Variants in SNTG2 observed in about 807,000 individuals in gnomAD.
SNTG2 encodes the protein gamma-2-syntrophin.
Under a neutral mutation model 70.9 loss-of-function variants are expected in SNTG2, and 74 were observed. The ratio of observed to expected loss-of-function variants is 1.04; its 90% confidence interval spans 0.86 to 1.27. SNTG2 has a LOEUF of 1.27. Ranked by LOEUF, SNTG2 falls within the 50% of genes most tolerant of loss-of-function variation. SNTG2 has a pLI of 0.00. For synonymous variants in SNTG2, 278 were observed against 273.8 expected (o/e 1.02, Z -0.15); for missense variants, 717 against 690.7 (o/e 1.04, Z -0.43).
chr2:1,039,057 T>G (rs897128463), intron 1 of SNTG2, among the ~76,000 whole-genome samples: 2 of 152,214 alleles, frequency 1.3e-5, no homozygotes, highest in African/African-American at 4.8e-5. Context: ...ACAGACTCAT[T>G]TCTGAAGGTG....
intron 14 of SNTG2, among the ~76,000 whole-genome samples, chr2:1,303,112 G>C (rs1680528615): frequency 6.6e-6 from 1 of 152,142 alleles, no homozygotes; most frequent in African/African-American, 2.4e-5. Context: ...CAAATATATA[G>C]AAGACTTCAA....
At chr2:1,186,204 A>G (rs1209587528) in intron 8 of SNTG2, among the ~76,000 whole-genome samples, 2 of 152,166 alleles carry the variant, frequency 1.3e-5, no homozygotes, top group Admixed American at 1.3e-4. Context: ...TACTGTTTCT[A>G]ATAAGTCCCT....
intron 14 of SNTG2, among the ~76,000 whole-genome samples, chr2:1,281,762 A>G (rs888056207): frequency 2.0e-5 from 3 of 152,106 alleles, no homozygotes; most frequent in Admixed American, 2.0e-4. Context: ...ACAGCACTGG[A>G]AATGGTGATT....
chr2:1,137,956 A>C, intron 6 of SNTG2, 147 bp downstream of exon 6: 4 of 850,032 alleles, frequency 4.7e-6, no homozygotes, highest in Non-Finnish European at 7.4e-6. Flanking sequence ...ATCATGTTAC[A>C]AAAGGACCTT....
At chr2:1,041,373 A>G (rs1481067983) in intron 1 of SNTG2, among the ~76,000 whole-genome samples, 5 of 152,210 alleles carry the variant, frequency 3.3e-5, no homozygotes, top group African/African-American at 4.8e-5. Context: ...GTAAGGATCC[A>G]ATCTACTGTT....
At chr2:1,306,931 G>A (rs1680705237) in intron 14 of SNTG2, among the ~76,000 whole-genome samples, 1 of 151,910 alleles carries the variant, frequency 6.6e-6, no homozygotes, top group African/African-American at 2.4e-5. Flanking sequence ...TAAGCCGCAT[G>A]CTGTGTGAGA....
intron 8 of SNTG2, among the ~76,000 whole-genome samples, chr2:1,176,984 A>G (rs746946116): frequency 2.6e-5 from 4 of 152,230 alleles, no homozygotes; most frequent in Non-Finnish European, 4.4e-5. Flanking sequence ...TACTGGGTAT[A>G]TACCCAAAGG....
At chr2:1,316,499 C>A in intron 16 of SNTG2, 124 bp downstream of exon 16, 1 of 246,768 alleles carries the variant, frequency 4.1e-6, no homozygotes, top group Non-Finnish European at 7.4e-6. Context: ...GGTCCTGAAG[C>A]ACGAGTCCTT....
intron 14 of SNTG2, among the ~76,000 whole-genome samples, chr2:1,269,949 T>G (rs1238573574): frequency 6.6e-6 from 1 of 152,092 alleles, no homozygotes; most frequent in Non-Finnish European, 1.5e-5. Context: ...TGACCACTGT[T>G]GGGAAGAACT....
intron 6 of SNTG2, among the ~76,000 whole-genome samples, chr2:1,140,046 A>G (rs754201106): frequency 2.0e-4 from 31 of 152,308 alleles, no homozygotes; most frequent in Middle Eastern, 6.8e-3. Context: ...AAATGCTAAA[A>G]TTCTAAAAGA....
At chr2:1,255,911 T>TATATATAAATATATATATAA (rs1558602972) in intron 12 of SNTG2, among the ~76,000 whole-genome samples, 63 of 65,762 alleles carry the variant, frequency 9.6e-4, no homozygotes, top group East Asian at 7.4e-3. Context: ...TATATAAATA[T>TATATATAAATATATATATAA]ATATATAAAT....
intron 14 of SNTG2, among the ~76,000 whole-genome samples, chr2:1,303,820 A>G (rs1234738890): frequency 6.6e-6 from 1 of 152,232 alleles, no homozygotes; most frequent in East Asian, 1.9e-4. Context: ...GGATAATGAA[A>G]ATACAATGAA....
chr2:1,121,042 C>T (rs1215719654), intron 4 of SNTG2, among the ~76,000 whole-genome samples: 3 of 151,758 alleles, frequency 2.0e-5, no homozygotes, highest in Admixed American at 1.3e-4. Context: ...TATTGCAATT[C>T]TATCTAGTAT....
At chr2:1,337,599 A>C (rs1659881193) in intron 16 of SNTG2, among the ~76,000 whole-genome samples, 1 of 152,148 alleles carries the variant, frequency 6.6e-6, no homozygotes, top group Admixed American at 6.5e-5. Context: ...GCTCCTTATC[A>C]AATGTGTGAT....
At chr2:1,126,151 T>C (rs1667686515) in intron 4 of SNTG2, among the ~76,000 whole-genome samples, 1 of 152,108 alleles carries the variant, frequency 6.6e-6, no homozygotes, top group South Asian at 2.1e-4. Flanking sequence ...CTCTCTTACC[T>C]CCTCCCCTTC....
intron 16 of SNTG2, among the ~76,000 whole-genome samples, chr2:1,325,839 A>ATT (rs989671402): frequency 1.4e-5 from 2 of 147,330 alleles, no homozygotes; most frequent in Non-Finnish European, 1.5e-5. Context: ...GGCATATCAG[A>ATT]TTTTTTTTTT....
intron 1 of SNTG2, among the ~76,000 whole-genome samples, chr2:1,023,249 C>CA (rs2148015890): frequency 6.6e-6 from 1 of 152,154 alleles, no homozygotes; most frequent in South Asian, 2.1e-4. Context: ...AATCACCCCC[C>CA]AGCCTGGCCT....
At chr2:1,124,399 A>C (rs1667576674) in intron 4 of SNTG2, among the ~76,000 whole-genome samples, 1 of 150,898 alleles carries the variant, frequency 6.6e-6, no homozygotes, top group African/African-American at 2.4e-5. Flanking sequence ...GGTTCATGCC[A>C]TTCTCCTGCC....
intron 1 of SNTG2, among the ~76,000 whole-genome samples, chr2:1,083,123 A>G (rs1200180583): frequency 6.6e-6 from 1 of 151,934 alleles, no homozygotes; most frequent in African/African-American, 2.4e-5. Flanking sequence ...CTTCACACAG[A>G]TATTTTATGA....
Sources: gnomAD v4.1 joint callset for allele counts (sites outside exome capture counted in the v4.1 genomes callset) on GRCh38, gnomAD v4.1.1 for gene constraint, MANE v1.5 for transcripts, NCBI Gene and HGNC (gene_info 2026-07-23, HGNC 2026-07-21) for gene names.